The following EPS8L2 variants were observed in gnomAD, a reference collection of about 807,000 sequenced individuals.
EPS8L2 encodes EPS8 signaling adaptor L2.
A neutral mutation model predicts 99.4 loss-of-function variants in EPS8L2; 81 were observed. The observed-to-expected ratio is 0.82, with a 90% CI of 0.68 to 0.98. The LOEUF (loss-of-function observed/expected upper bound fraction) is 0.98, where lower values mean the gene tolerates loss of function less well. Ranked by LOEUF, EPS8L2 falls within the 50% of genes least tolerant of loss-of-function variation. EPS8L2 has a pLI of 0.00. For synonymous variants in EPS8L2, 509 were observed against 407.3 expected, an observed-to-expected ratio of 1.25 and a Z score of -3.01; for missense variants, 1,155 against 968.8, an observed-to-expected ratio of 1.19 and a Z score of -2.55.
intron 4 of EPS8L2, among the ~76,000 whole-genome samples, chr11:719,791 A>G (rs1862108419): frequency 6.6e-6 from 1 of 152,138 alleles, no homozygotes; most frequent in Non-Finnish European, 1.5e-5. Context: ...CTGAGCCTGC[A>G]CCAGGAGGTG....
At position 720,547 on chromosome 11, in the gene EPS8L2, A is replaced by G. The variant is rs368045203; in HGVS notation, c.328-50A>G. 390 of 1,567,616 alleles carry G rather than the reference A, an allele frequency of 2.5e-4. 1 individual carries two copies. Among genetic ancestry groups the G allele is most frequent in the Admixed American group, 1.5e-4 (8 of 52,646 alleles). On this transcript the variant is annotated intron_variant, in intron 5 of 20. Coordinates refer to ENST00000318562, the MANE Select transcript of EPS8L2 (RefSeq NM_022772.4). ...TCCACAGCTCCGGCCACTCCCTGCC[A>G]GAGTGCCCAGACCCCGGGTGCGAGT...
Position 725,813 on chromosome 11 carries a change from C to G in EPS8L2, c.1646C>G (p.Ala549Gly). 1 of 1,387,554 alleles carries G rather than the reference C, an allele frequency of 7.2e-7. No homozygotes were observed. The highest frequency in any genetic ancestry group is 9.3e-7 in the Non-Finnish European group (1 of 1,075,926). The allele number at this position is 1,387,554 out of a possible 1,614,324, so 86.0% of individuals were successfully genotyped here. Residue 549 changes from alanine (A) to glycine (G), a missense_variant, in exon 17 of 21, where the codon GCG (alanine) becomes GGG (glycine). By Grantham distance (60) the Ala-to-Gly change is moderately conservative (BLOSUM62 0). Coordinates refer to ENST00000318562, the MANE Select transcript of EPS8L2 (RefSeq NM_022772.4). ...GTGCCCTGCAACATCCTAGGCGAGGCGCGACCGGAGGACGCCGGCGCCCCG... is the reference window on the plus strand; with the variant it reads ...GTGCCCTGCAACATCCTAGGCGAGGGGCGACCGGAGGACGCCGGCGCCCCG... Reference protein sequence around the residue: ...GYVPCNILGEARPEDAGAPFE... With the variant: ...GYVPCNILGEGRPEDAGAPFE...
In EPS8L2 at chr11:709,318, C is replaced by G; in HGVS notation, c.-78-12C>G. On this transcript the variant is annotated splice_polypyrimidine_tract_variant and intron_variant, in intron 1 of 20. Transcript: ENST00000318562. ...CGGAGGAAGTGTCAGCGCAGCCCTT[C>G]TGTCCACCCAGGTGTGGGACAGGCA... The G allele has an allele frequency of 1.4e-6, 2 of 1,444,440 alleles. No homozygotes were observed. 89.5% of individuals were successfully genotyped at this position (1,444,440 alleles called of 1,614,324 possible).
rs145135258 is a variant in EPS8L2, at chr11:719,776, G to A, written c.166-286G>A. Among the ~76,000 whole-genome samples the A allele has an allele frequency of 5.0e-4, 76 of 152,290 alleles. 2 individuals are homozygous for A. In the East Asian group the frequency reaches 0.011, roughly 22 times the overall value. On this transcript the variant is annotated intron_variant, in intron 4 of 20. Coordinates refer to ENST00000318562, the MANE Select transcript of EPS8L2 (RefSeq NM_022772.4). ...GGCTGGCAAAGCTGGTGCAGTGGGC[G>A]GGTACTGAGCCTGCACCAGGAGGTG...
intron 6 of EPS8L2, 35 bp from the exon 7 acceptor site, chr11:720,795 C>T (rs899967190): frequency 6.5e-7 from 1 of 1,532,648 alleles, no homozygotes. Flanking sequence ...GCGCCGCGCC[C>T]CGCCCTCCTG....
chr11:725,707 G>C (rs900450844), intron 16 of EPS8L2, 21 bp from the exon 17 acceptor site: 34 of 1,315,224 alleles, frequency 2.6e-5, no homozygotes, highest in Non-Finnish European at 3.2e-5. Context: ...TGTGGGGAGG[G>C]GCTGACGGCG....
chr11:712,736 C>T (rs1265553586), intron 4 of EPS8L2, among the ~76,000 whole-genome samples: 2 of 152,242 alleles, frequency 1.3e-5, no homozygotes, highest in Non-Finnish European at 2.9e-5. Context: ...TCCAAAGAGC[C>T]ATCAGGAGTC....
In EPS8L2 at chr11:726,160, G is replaced by A. The variant is rs777238086; in HGVS notation, c.1743G>A (p.Gly581=). The A allele has an allele frequency of 6.2e-7, 1 of 1,609,074 alleles. No individual in the cohort carries two copies. Among genetic ancestry groups the A allele is most frequent in the Non-Finnish European group, 8.5e-7 (1 of 1,178,228 alleles). The change falls in exon 18 of 21, where the codon GGG becomes GGA. Residue 581 remains glycine, a synonymous_variant. Transcript: ENST00000318562. The part of the protein sequence containing the change: ...PTHKLPPSFP[G]NKDELMQHMD... ...ACAAGCTACCCCCAAGCTTCCCGGGGAACAAAGACGGTGAGAGCTGCTGCT... is the reference window on the plus strand; with the variant it reads ...ACAAGCTACCCCCAAGCTTCCCGGGAAACAAAGACGGTGAGAGCTGCTGCT...
chr11:726,102 G>A lies in EPS8L2; in HGVS notation c.1685G>A (p.Gly562Asp). The A allele has an allele frequency of 6.3e-7, 1 of 1,595,576 alleles. No individual in the cohort carries two copies. The highest frequency in any genetic ancestry group is 2.3e-5 in the East Asian group (1 of 44,280). Residue 562 changes from glycine (G) to aspartate (D), a missense_variant, in exon 18 of 21, where the codon GGT becomes GAT. Coordinates refer to ENST00000318562, the MANE Select transcript of EPS8L2 (RefSeq NM_022772.4). ...EDAGAPFEQA[G>D]QKYWGPASPT... The stretch of plus-strand genomic sequence containing the variant: ...AATCGCCCCCCGCCCCCGCAGGCCG[G>A]TCAGAAGTACTGGGGCCCCGCCAGC...
At chr11:719,392 AG>A (rs527535994) in intron 4 of EPS8L2, among the ~76,000 whole-genome samples, 3 of 152,352 alleles carry the variant, frequency 2.0e-5, no homozygotes, top group African/African-American at 7.2e-5. Flanking sequence ...GGTTTTACTT[AG>A]TGAACACGGC....
chr11:707,874 G>A (rs542632520), intron 1 of EPS8L2, among the ~76,000 whole-genome samples: 3 of 152,214 alleles, frequency 2.0e-5, no homozygotes, highest in Non-Finnish European at 2.9e-5. Context: ...CGTGCCTGGC[G>A]CCCTTGGTGG....
chr11:726,074 C>G (rs948364597), intron 17 of EPS8L2, 24 bp from the exon 18 acceptor site: 2 of 1,476,656 alleles, frequency 1.4e-6, no homozygotes. Flanking sequence ...GCGTGGGGAG[C>G]CTAATCGCCC....
Position 724,630 on chromosome 11 carries a change from C to A in EPS8L2, c.1455-94C>A, listed in dbSNP as rs1407989344. ...CCAGAACAGAAAAGAGGCAGCCAGT[C>A]GTGCACCTGGGAAGCTGCTGCCCCC... On this transcript the variant is annotated intron_variant, in intron 15 of 20. Transcript: ENST00000318562. The surrounding 1 kb of genome is among the most constrained non-coding windows in gnomAD (Gnocchi z 5.5). 6 of 829,206 alleles carry A rather than the reference C, an allele frequency of 7.2e-6. No individual in the cohort carries two copies. In the East Asian group the frequency reaches 9.9e-5, roughly 14 times the overall value. 51.4% of individuals were successfully genotyped at this position (829,206 alleles called of 1,614,324 possible). A position where few individuals can be genotyped will look rare whatever the true frequency, so the allele number is the denominator to read the frequency against.
chr11:722,193 G>A lies in EPS8L2; in HGVS notation c.1059+28G>A, dbSNP rs112682907. The A allele has an allele frequency of 0.019, 30,095 of 1,605,584 alleles. 518 individuals are homozygous for A. The highest frequency in any genetic ancestry group is 0.089 in the African/African-American group (6,646 of 74,904). On this transcript the variant is annotated intron_variant, in intron 12 of 20. Coordinates refer to ENST00000318562, the MANE Select transcript of EPS8L2 (RefSeq NM_022772.4). ...GCCTGGGGCCGGGCGGCAGGGGCGCGCAGGGTGGGGGCCCAGAGGCCTCTG... is the reference window on the plus strand; with the variant it reads ...GCCTGGGGCCGGGCGGCAGGGGCGCACAGGGTGGGGGCCCAGAGGCCTCTG...
At position 710,506 on chromosome 11, in the gene EPS8L2, T is replaced by G; in HGVS notation, c.165+20T>G. 1 of 1,610,428 alleles carries G rather than the reference T, an allele frequency of 6.2e-7. No individual in the cohort carries two copies. Among genetic ancestry groups the G allele is most frequent in the African/African-American group, 1.3e-5 (1 of 74,978 alleles). ...GTCCAGGTAAGGCCCCGCCCCCAGG[T>G]AGGCTCCGCCCCCAGGGAGCACCCT... On this transcript the variant is annotated intron_variant, in intron 4 of 20. Coordinates refer to ENST00000318562, the MANE Select transcript of EPS8L2 (RefSeq NM_022772.4).
At chr11:721,856 C>T (rs763951782) in intron 10 of EPS8L2, 47 bp from the exon 11 acceptor site, 12 of 1,551,324 alleles carry the variant, frequency 7.7e-6, no homozygotes, top group African/African-American at 2.7e-5. Context: ...GCGCAGGGGC[C>T]GGGGAGATCA....
rs770418057 is a variant in EPS8L2 at position 710,429 on chromosome 11, G to A, written c.108G>A (p.Arg36=). The change falls in exon 4 of 21, where the codon AGG becomes AGA. Residue 36 remains arginine, a synonymous_variant. Transcript: ENST00000318562. ...TGGTGTCTCCCGGTTCAGAGCAGAG[G>A]AAGAAGTATTCCAACTCCAACGTCA... ...KMSPKDLFEQ[R]KKYSNSNVIM... is the part of the protein sequence containing the mutation. 5.6e-6 allele frequency: 9 copies of A among 1,613,474 alleles called. No homozygotes were observed. The highest frequency in any genetic ancestry group is 7.6e-6 in the Non-Finnish European group (9 of 1,179,928).
chr11:725,672 T>C (rs1451608012), intron 16 of EPS8L2, 56 bp from the exon 17 acceptor site: 1 of 1,277,592 alleles, frequency 7.8e-7, no homozygotes, highest in South Asian at 2.8e-5. Context: ...CGCCAGCGGG[T>C]GGTCCCAGCC....
At position 723,644 on chromosome 11, in the gene EPS8L2, G is replaced by A. The variant is rs530022292; in HGVS notation, c.1454+291G>A. ...GAAACTACTAAACCACTGAACTTGAGTGGTTTCACCAAACACTGGCACCCT... is the reference window on the plus strand; with the variant it reads ...GAAACTACTAAACCACTGAACTTGAATGGTTTCACCAAACACTGGCACCCT... On this transcript the variant is annotated intron_variant, in intron 15 of 20. Coordinates refer to ENST00000318562, the MANE Select transcript of EPS8L2 (RefSeq NM_022772.4). Among the ~76,000 whole-genome samples the A allele has an allele frequency of 7.9e-5, 12 of 152,288 alleles. No homozygotes were observed. The South Asian group carries it at 2.5e-3, about 32-fold the overall frequency.
Sources: allele counts gnomAD v4.1 joint callset (sites outside exome capture counted in the v4.1 genomes callset), GRCh38; gene constraint gnomAD v4.1.1; non-coding constraint Gnocchi (gnomAD v3.1); transcripts MANE v1.5; gene names NCBI Gene and HGNC (gene_info 2026-07-23, HGNC 2026-07-21).